TAF3: variants seen among roughly 807,000 people sequenced by gnomAD.
TAF3 encodes transcription initiation factor TFIID subunit 3.
Under a neutral mutation model 80.6 loss-of-function variants are expected in TAF3, and 7 were observed. That is an observed-to-expected ratio of 0.09 (90% CI 0.05 to 0.16). The LOEUF is 0.16. Ranked by LOEUF, TAF3 falls within the 10% of genes least tolerant of loss-of-function variation. TAF3 has a pLI of 1.00. For synonymous variants in TAF3, 444 were observed against 446.1 expected (o/e 1.00, Z 0.06); for missense variants, 921 against 1,140.2 (o/e 0.81, Z 2.77).
At chr10:7,948,111 G>A (rs1303831502) in intron 2 of TAF3, among the ~76,000 whole-genome samples, 1 of 150,176 alleles carries the variant, frequency 6.7e-6, no homozygotes, top group African/African-American at 2.5e-5. Flanking sequence ...TGCCCCGGCT[G>A]GAACGCAGTG....
chr10:7,882,102 G>C (rs558858211), intron 2 of TAF3, among the ~76,000 whole-genome samples: 1 of 152,286 alleles, frequency 6.6e-6, no homozygotes, highest in African/African-American at 2.4e-5. Context: ...TTCCTATACT[G>C]ATGCATTATA....
chr10:7,907,461 A>G (rs1002327693), intron 2 of TAF3, among the ~76,000 whole-genome samples: 1 of 152,370 alleles, frequency 6.6e-6, no homozygotes, highest in South Asian at 2.1e-4. Context: ...CAGTGAGTTC[A>G]TGGCTATTAC....
intron 2 of TAF3, among the ~76,000 whole-genome samples, chr10:7,877,742 C>T (rs1166458110): frequency 1.3e-5 from 2 of 152,122 alleles, no homozygotes; most frequent in East Asian, 3.8e-4. Flanking sequence ...AGTGACTTGG[C>T]CAAGATCTTA....
chr10:7,818,827 C>A lies in TAF3; in HGVS notation c.118C>A (p.Arg40Ser). The stretch of plus-strand genomic sequence containing the variant: ...CCACCTCCTCACGGACGTGCTGCAG[C>A]GCTATCTGCAGCAGCTGGGCCGGGG... ...ACHLLTDVLQ[R>S]YLQQLGRGCH... is the part of the protein sequence containing the mutation. Residue 40 changes from arginine (R) to serine (S), a missense_variant, in exon 1 of 7, where the codon CGC (arginine) becomes AGC (serine). Around this residue, in one of 6 missense-constraint regions of TAF3, gnomAD observed 106 missense variants for 191.8 expected, o/e 0.55. Coordinates refer to ENST00000344293, the MANE Select transcript of TAF3 (RefSeq NM_031923.4). 6.4e-7 allele frequency: 1 copy of A among 1,556,484 alleles called. No individual in the cohort carries two copies. The highest frequency in any genetic ancestry group is 8.6e-7 in the Non-Finnish European group (1 of 1,162,422).
chr10:7,998,850 GA>G (rs769484891), intron 4 of TAF3, among the ~76,000 whole-genome samples: 12 of 147,318 alleles, frequency 8.1e-5, no homozygotes, highest in South Asian at 2.2e-4. Flanking sequence ...AAAAAAAAAA[GA>G]AAAAAAAAGA....
intron 2 of TAF3, among the ~76,000 whole-genome samples, chr10:7,877,080 C>A (rs1197294338): frequency 6.7e-6 from 1 of 149,462 alleles, no homozygotes; most frequent in South Asian, 2.1e-4. Flanking sequence ...ATTTTTTACG[C>A]TGTTACTGTC....
rs549747873 is a variant in TAF3, at chr10:7,976,515, C to T, written c.2233-726C>T. On this transcript the variant is annotated intron_variant, in intron 3 of 6. Transcript: ENST00000344293. ...CTGTAAGCTCCGCCTCCCGGGTTCA[C>T]ACCATTTTCCTGCCTCAGCCTCCTG... Among the ~76,000 whole-genome samples the T allele has an allele frequency of 7.3e-5, 11 of 151,146 alleles. No individual in the cohort carries two copies. The East Asian group carries it at 2.2e-3, about 30-fold the overall frequency.
At chr10:8,002,983 T>C (rs543947258) in intron 4 of TAF3, among the ~76,000 whole-genome samples, 1 of 152,176 alleles carries the variant, frequency 6.6e-6, no homozygotes, top group African/African-American at 2.4e-5. Flanking sequence ...TTTTGTGTGG[T>C]ATTACTTTTC....
intron 2 of TAF3, among the ~76,000 whole-genome samples, chr10:7,869,043 C>T (rs1837241057): frequency 6.6e-6 from 1 of 152,014 alleles, no homozygotes; most frequent in African/African-American, 2.4e-5. Flanking sequence ...GAGTGTAAAA[C>T]AATACATCGT....
chr10:8,007,229 A>G (rs896817642), intron 4 of TAF3, among the ~76,000 whole-genome samples: 4 of 152,302 alleles, frequency 2.6e-5, no homozygotes, highest in East Asian at 3.9e-4. Flanking sequence ...ATAGATCTCT[A>G]TGTGTCAGCA....
intron 2 of TAF3, among the ~76,000 whole-genome samples, chr10:7,912,106 C>T (rs1377094891): frequency 6.6e-6 from 1 of 152,112 alleles, no homozygotes; most frequent in East Asian, 1.9e-4. Context: ...AACATATTAT[C>T]CTCATTATTT....
At chr10:7,826,641 AAC>A (rs1321267452) in intron 2 of TAF3, among the ~76,000 whole-genome samples, 4 of 152,342 alleles carry the variant, frequency 2.6e-5, no homozygotes, top group East Asian at 1.9e-4. Flanking sequence ...CTTTTTATCT[AAC>A]ACATGTGGAT....
rs764363480 is a variant in TAF3 at position 8,009,228 on chromosome 10, C to T, written c.2466C>T (p.Ala822=). 12 of 1,472,302 alleles carry T rather than the reference C, an allele frequency of 8.2e-6. No individual in the cohort carries two copies. Among genetic ancestry groups the T allele is most frequent in the Middle Eastern group, 2.3e-4 (1 of 4,394 alleles). The allele number at this position is 1,472,302 out of a possible 1,614,324, so 91.2% of individuals were successfully genotyped here. Residue 822 remains alanine (A), a synonymous_variant, in exon 5 of 7, where the codon GCC becomes GCT. Coordinates refer to ENST00000344293, the MANE Select transcript of TAF3 (RefSeq NM_031923.4). The surrounding 1 kb of genome is among the most constrained non-coding windows in gnomAD (Gnocchi z 4.1). ...PVPLPLLAQA[A]AGPALLPSPG... Reference sequence around the variant, plus strand: ...CGCTGCCGCTGCTCGCCCAGGCCGCCGCGGGCCCTGCCCTGCTGCCCTCCC... The same window carrying T: ...CGCTGCCGCTGCTCGCCCAGGCCGCTGCGGGCCCTGCCCTGCTGCCCTCCC...
intron 2 of TAF3, among the ~76,000 whole-genome samples, chr10:7,878,739 ATG>A (rs1414314805): frequency 8.2e-6 from 1 of 121,794 alleles, no homozygotes; most frequent in Non-Finnish European, 1.8e-5. Flanking sequence ...GTATGTATGT[ATG>A]TATATGAGAC....
intron 2 of TAF3, among the ~76,000 whole-genome samples, chr10:7,838,922 TTG>T (rs1836881682): frequency 7.0e-6 from 1 of 142,246 alleles, no homozygotes; most frequent in South Asian, 2.4e-4. Flanking sequence ...TTTTTTTTTT[TTG>T]GTTTGTTTGT....
In TAF3 at chr10:7,838,280, G is replaced by A. The variant is rs545035397; in HGVS notation, c.409+13720G>A. Among the ~76,000 whole-genome samples the A allele has an allele frequency of 6.6e-5, 10 of 152,220 alleles. No individual in the cohort carries two copies. The South Asian group carries it at 1.9e-3, about 28-fold the overall frequency. On this transcript the variant is annotated intron_variant, in intron 2 of 6. Transcript: ENST00000344293. ...GAGATATTCCTCTCTCCCCATTTTG[G>A]CCTTTCTGCTGTTGTTTGGAAGTCC... is the stretch of plus-strand genomic sequence containing the variant.
chr10:7,923,299 A>T (rs1325713621), intron 2 of TAF3, among the ~76,000 whole-genome samples: 1 of 152,112 alleles, frequency 6.6e-6, no homozygotes, highest in Non-Finnish European at 1.5e-5. Context: ...GATGTAATTT[A>T]AAATTGCTTT....
chr10:7,825,376 T>C (rs953149192), intron 2 of TAF3, among the ~76,000 whole-genome samples: 7 of 152,206 alleles, frequency 4.6e-5, no homozygotes, highest in Admixed American at 2.0e-4. Context: ...ATTGTAAAGG[T>C]GTGCAGTTCT....
chr10:7,986,595 G>A (rs1831780012), intron 4 of TAF3, among the ~76,000 whole-genome samples: 1 of 152,154 alleles, frequency 6.6e-6, no homozygotes, highest in South Asian at 2.1e-4. Context: ...ACCAAGGAAA[G>A]GCCTTGTCCT....
Sources: allele counts gnomAD v4.1 joint callset (sites outside exome capture counted in the v4.1 genomes callset), GRCh38; gene constraint gnomAD v4.1.1; regional missense constraint gnomAD v4.1.1; non-coding constraint Gnocchi (gnomAD v3.1); transcripts MANE v1.5; gene names NCBI Gene and HGNC (gene_info 2026-07-23, HGNC 2026-07-21).